TRAPPC9: variants seen among roughly 807,000 people sequenced by gnomAD.
TRAPPC9 encodes the protein IKK2 binding protein.
A neutral mutation model predicts 124.0 loss-of-function variants in TRAPPC9; 83 were observed. The ratio of observed to expected loss-of-function variants is 0.67; its 90% CI spans 0.56 to 0.80. The LOEUF is 0.80. Among genes scored for constraint, TRAPPC9 ranks in the 30% least tolerant of loss-of-function variants. The pLI is 0.00. For missense variants in TRAPPC9, 1,302 were observed against 1,508.3 expected (o/e 0.86, Z 2.27); for synonymous variants, 638 against 617.5 (o/e 1.03, Z -0.49).
At chr8:140,335,726 A>G (rs1454825340) in intron 9 of TRAPPC9, among the ~76,000 whole-genome samples, 2 of 38,960 alleles carry the variant, frequency 5.1e-5, no homozygotes, top group Non-Finnish European at 1.0e-4. Flanking sequence ...TTTTTTTTTG[A>G]GACAGGGTCT....
At chr8:139,807,129 A>G (rs2130722910) in intron 21 of TRAPPC9, among the ~76,000 whole-genome samples, 1 of 152,356 alleles carries the variant, frequency 6.6e-6, no homozygotes, top group East Asian at 1.9e-4. Context: ...GGGAAGGGAC[A>G]GAAAACTTGG....
chr8:139,912,169 A>G (rs571770643), intron 19 of TRAPPC9, among the ~76,000 whole-genome samples: 2 of 152,384 alleles, frequency 1.3e-5, no homozygotes, highest in African/African-American at 4.8e-5. Flanking sequence ...TAACATCTTT[A>G]CAGTCTTTTC....
chr8:140,313,944 C>T (rs2066377068), intron 9 of TRAPPC9, among the ~76,000 whole-genome samples: 1 of 152,054 alleles, frequency 6.6e-6, no homozygotes, highest in Admixed American at 6.6e-5. Context: ...TCAGCATGGC[C>T]CATCCAGTGC....
At chr8:139,814,704 T>G (rs1482028672) in intron 21 of TRAPPC9, among the ~76,000 whole-genome samples, 1 of 150,926 alleles carries the variant, frequency 6.6e-6, no homozygotes, top group African/African-American at 2.4e-5. Flanking sequence ...CTAGTTAGCC[T>G]CAAAAAAAGA....
chr8:140,245,213 C>T (rs959466745), intron 16 of TRAPPC9, among the ~76,000 whole-genome samples: 12 of 152,178 alleles, frequency 7.9e-5, no homozygotes, highest in African/African-American at 2.2e-4. Context: ...CTAGAAAACA[C>T]GACACAGGTC....
chr8:139,737,318 C>T (rs1253936464), intron 21 of TRAPPC9, among the ~76,000 whole-genome samples: 1 of 152,188 alleles, frequency 6.6e-6, no homozygotes, highest in Non-Finnish European at 1.5e-5. Flanking sequence ...GCCCTAGAAC[C>T]GGGACCCAGT....
intron 1 of TRAPPC9, among the ~76,000 whole-genome samples, chr8:140,453,701 A>C (rs1040448856): frequency 6.6e-6 from 1 of 152,180 alleles, no homozygotes; most frequent in Non-Finnish European, 1.5e-5. Flanking sequence ...TCCAGTGCTC[A>C]CGCTCTCAAG....
chr8:139,774,127 G>C (rs1021697688), intron 21 of TRAPPC9, among the ~76,000 whole-genome samples: 1 of 152,210 alleles, frequency 6.6e-6, no homozygotes, highest in Non-Finnish European at 1.5e-5. Flanking sequence ...GGCCACTGGG[G>C]CGGCAAGAAG....
At chr8:140,188,886 C>T (rs887024578) in intron 17 of TRAPPC9, among the ~76,000 whole-genome samples, 2 of 152,190 alleles carry the variant, frequency 1.3e-5, no homozygotes, top group Non-Finnish European at 2.9e-5. Context: ...AAATTGACTT[C>T]GTTAGTAGCA....
intron 14 of TRAPPC9, among the ~76,000 whole-genome samples, chr8:140,283,534 T>A (rs2065391756): frequency 6.6e-6 from 1 of 151,442 alleles, no homozygotes; most frequent in African/African-American, 2.4e-5. Flanking sequence ...CCTGACCTTG[T>A]GATCCACCCG....
At chr8:139,941,624 A>G (rs567824197) in intron 19 of TRAPPC9, among the ~76,000 whole-genome samples, 1 of 152,200 alleles carries the variant, frequency 6.6e-6, no homozygotes, top group Non-Finnish European at 1.5e-5. Context: ...AAGGAAAGGA[A>G]TTTTCCAAGG....
At chr8:139,953,082 C>A (rs1242210577) in intron 19 of TRAPPC9, among the ~76,000 whole-genome samples, 1 of 152,174 alleles carries the variant, frequency 6.6e-6, no homozygotes, top group Admixed American at 6.5e-5. Flanking sequence ...GCAGAGGACA[C>A]GATGGAATAA....
intron 17 of TRAPPC9, chr8:140,039,678 C>G (rs1338035524): frequency 1.3e-5 from 2 of 152,230 alleles, no homozygotes; most frequent in Non-Finnish European, 2.9e-5. Context: ...GAAGGTGCAG[C>G]TGGAAGCTCT....
chr8:140,426,919 A>G (rs1325918580), intron 4 of TRAPPC9, among the ~76,000 whole-genome samples: 1 of 149,970 alleles, frequency 6.7e-6, no homozygotes, highest in Non-Finnish European at 1.5e-5. Flanking sequence ...TCATGCTCCC[A>G]GTTCTTTTTT....
In TRAPPC9 at chr8:140,055,715, C is replaced by G. The variant is rs114779294; in HGVS notation, c.2557-31636G>C. Among the ~76,000 whole-genome samples the G allele has an allele frequency of 4.5e-3, 678 of 152,188 alleles. 1 individual carries two copies. The highest frequency in any genetic ancestry group is 0.015 in the African/African-American group (640 of 41,534). On this transcript the variant is annotated intron_variant, in intron 17 of 22. Coordinates refer to ENST00000438773, the MANE Select transcript of TRAPPC9 (RefSeq NM_001160372.4). ...TACACTTCTAAACACTAACAATGAA[C>G]TATCAGAAAAAGAAATTAAGGAAAC...
intron 21 of TRAPPC9, 109 bp downstream of exon 21, chr8:139,885,770 A>G: frequency 1.9e-6 from 2 of 1,053,004 alleles, no homozygotes. Context: ...GACCTTCAGT[A>G]CCCACCAACA....
At chr8:139,859,547 T>G (rs1828001994) in intron 21 of TRAPPC9, among the ~76,000 whole-genome samples, 1 of 151,798 alleles carries the variant, frequency 6.6e-6, no homozygotes, top group East Asian at 1.9e-4. Flanking sequence ...CTTTCTCCAT[T>G]CCAAAAAAGA....
chr8:140,255,947 T>C (rs1440362090), intron 15 of TRAPPC9, among the ~76,000 whole-genome samples: 1 of 152,114 alleles, frequency 6.6e-6, no homozygotes, highest in Non-Finnish European at 1.5e-5. Context: ...GAAAGGGAAA[T>C]GGAGAATTGG....
In TRAPPC9 at chr8:139,988,754, G is replaced by A; in HGVS notation, c.2782C>T (p.Leu928Phe). 6.4e-7 allele frequency: 1 copy of A among 1,551,172 alleles called. No individual in the cohort carries two copies. Among genetic ancestry groups the A allele is most frequent in the Non-Finnish European group, 8.7e-7 (1 of 1,146,966 alleles). Residue 928 changes from leucine to phenylalanine, a missense_variant, in exon 19 of 23, where the codon CTC (leucine) becomes TTC (phenylalanine). By Grantham distance (22) the Leu-to-Phe change is conservative. Transcript: ENST00000438773. ...TGGCACTCACCGGCGTGCAGGATGA[G>A]TGCCTCGCTGCTCCTGGTGCTGACG... ...LTVSTRSSEA[L>F]ILHAGECQRM...
Sources: gnomAD v4.1 joint callset for allele counts (sites outside exome capture counted in the v4.1 genomes callset) on GRCh38, gnomAD v4.1.1 for gene constraint, MANE v1.5 for transcripts, NCBI Gene and HGNC (gene_info 2026-07-23, HGNC 2026-07-21) for gene names.